Variants in PCDHGA1 observed in about 807,000 individuals in gnomAD.
The protein encoded by PCDHGA1 is protocadherin gamma-A1.
Under a neutral mutation model 58.0 loss-of-function variants are expected in PCDHGA1, and 32 were observed. That is an observed-to-expected ratio of 0.55 (90% confidence interval 0.42 to 0.74). The LOEUF (loss-of-function observed/expected upper bound fraction) is 0.74. PCDHGA1 is among the 30% of genes least tolerant of loss of function. The probability of loss-of-function intolerance (pLI) is 0.00; values close to 1 mark genes in which losing one functional copy is unlikely to be tolerated. For missense variants in PCDHGA1, 1,205 were observed against 1,182.3 expected, an observed-to-expected ratio of 1.02 and a Z score of -0.28; for synonymous variants, 498 against 501.1, an observed-to-expected ratio of 0.99 and a Z score of 0.08.
intron 1 of PCDHGA1, chr5:141,383,506 G>A: frequency 6.2e-7 from 1 of 1,612,872 alleles, no homozygotes; most frequent in Non-Finnish European, 8.5e-7. Flanking sequence ...GCTGGACCGG[G>A]AGGAAGAGCG....
chr5:141,495,032 G>T, intron 2 of PCDHGA1, 167 bp downstream of exon 2: 1 of 967,732 alleles, frequency 1.0e-6, no homozygotes, highest in Non-Finnish European at 1.2e-6. Flanking sequence ...GACCCCGGAA[G>T]GAAGAGGCGA....
rs56172360 is a variant in PCDHGA1, at chr5:141,369,006, T to C, written c.2421+35901T>C. 9.9e-3 allele frequency among the ~76,000 whole-genome samples: 1,506 copies of C among 152,332 alleles called. 25 individuals are homozygous for C. Among genetic ancestry groups the C allele is most frequent in the African/African-American group, 0.034 (1,404 of 41,566 alleles). ...TAAGGTGAATTCGGTGTGGAACTCA[T>C]TGCTTATTGCTGCACACTTGCCTAG... On this transcript the variant is annotated intron_variant, in intron 1 of 3. Transcript: ENST00000517417.
Position 141,415,580 on chromosome 5 carries a change from A to C in PCDHGA1, c.2422-79227A>C, listed in dbSNP as rs773634634. The C allele has an allele frequency of 4.3e-6, 7 of 1,613,976 alleles. No individual in the cohort carries two copies. The Admixed American group carries it at 1.2e-4, about 27-fold the overall frequency. Reference sequence around the variant, plus strand: ...CCTTTGTCTTTGTTAGATGATTCGAAGTTTCCTATAGAGGATACCCCATTG... The same window carrying C: ...CCTTTGTCTTTGTTAGATGATTCGACGTTTCCTATAGAGGATACCCCATTG... On this transcript the variant is annotated intron_variant, in intron 1 of 3. Transcript: ENST00000517417.
At chr5:141,357,391 A>G (rs751497750) in intron 1 of PCDHGA1, 2 of 1,614,230 alleles carry the variant, frequency 1.2e-6, no homozygotes, top group South Asian at 1.1e-5. Flanking sequence ...TGAAGGCAGC[A>G]GGTTGGCAGG....
intron 1 of PCDHGA1, chr5:141,371,970 C>T: frequency 6.2e-7 from 1 of 1,613,250 alleles, no homozygotes; most frequent in East Asian, 2.2e-5. Context: ...CGAGCAGCTG[C>T]GTGCCTTCGA....
chr5:141,363,996 G>A (rs1467481221), intron 1 of PCDHGA1, among the ~76,000 whole-genome samples: 3 of 152,124 alleles, frequency 2.0e-5, no homozygotes, highest in Admixed American at 1.3e-4. Context: ...CTGAATTAAC[G>A]GTCATAAACA....
intron 1 of PCDHGA1, chr5:141,362,476 G>A (rs757587046): frequency 1.2e-6 from 2 of 1,614,028 alleles, no homozygotes; most frequent in East Asian, 2.2e-5. Context: ...GCAAGATCTC[G>A]TCTGTGACAA....
At chr5:141,409,813 C>T in intron 1 of PCDHGA1, 2 of 1,611,170 alleles carry the variant, frequency 1.2e-6, no homozygotes, top group African/African-American at 1.3e-5. Flanking sequence ...CCCGCGACCA[C>T]GGCTCGCCCA....
In PCDHGA1 at chr5:141,431,739, A is replaced by G; in HGVS notation, c.2422-63068A>G. 3.1e-6 allele frequency: 5 copies of G among 1,614,240 alleles called. No homozygotes were observed. Among genetic ancestry groups the G allele is most frequent in the Non-Finnish European group, 3.4e-6 (4 of 1,180,048 alleles). Reference sequence around the variant, plus strand: ...GTGCAAGCAATGGATAATGCAGGATATTCTGCGCGAGCCAAAGTCCTGATC... The same window carrying G: ...GTGCAAGCAATGGATAATGCAGGATGTTCTGCGCGAGCCAAAGTCCTGATC... On this transcript the variant is annotated intron_variant, in intron 1 of 3. Transcript: ENST00000517417. The surrounding 1 kb of genome is among the most constrained non-coding windows in gnomAD (Gnocchi z 4.8).
intron 1 of PCDHGA1, chr5:141,385,444 G>C: frequency 6.9e-7 from 1 of 1,448,588 alleles, no homozygotes; most frequent in East Asian, 2.5e-5. Context: ...GTAAAAATGA[G>C]TTTACCAGTT....
Position 141,485,294 on chromosome 5 carries a change from G to A in PCDHGA1, c.2422-9513G>A, listed in dbSNP as rs2099611126. Reference sequence around the variant, plus strand: ...CTACCCGGTCCCAGAGGAGTCACAGGAAGGGACTTTTGTAGGGAATGTCGC... The same window carrying A: ...CTACCCGGTCCCAGAGGAGTCACAGAAAGGGACTTTTGTAGGGAATGTCGC... On this transcript the variant is annotated intron_variant, in intron 1 of 3. Coordinates refer to ENST00000517417, the MANE Select transcript of PCDHGA1 (RefSeq NM_018912.3). The surrounding 1 kb of genome is among the most constrained non-coding windows in gnomAD (Gnocchi z 5.7). The A allele has an allele frequency of 6.2e-7, 1 of 1,614,044 alleles. No homozygotes were observed. Among genetic ancestry groups the A allele is most frequent in the Non-Finnish European group, 8.5e-7 (1 of 1,179,988 alleles).
chr5:141,509,199 GTC>G (rs1017134758), intron 3 of PCDHGA1, among the ~76,000 whole-genome samples: 1 of 152,070 alleles, frequency 6.6e-6, no homozygotes, highest in Non-Finnish European at 1.5e-5. Context: ...AATATTTCCT[GTC>G]TCTCTATTTC....
rs772841329 is a variant in PCDHGA1 at position 141,360,603 on chromosome 5, A to C, written c.2421+27498A>C. ...CAGGTACAACATTTCCACTTGACCC[A>C]GCCCTGGATTCAGATGTTGGTCCTA... On this transcript the variant is annotated intron_variant, in intron 1 of 3. Coordinates refer to ENST00000517417, the MANE Select transcript of PCDHGA1 (RefSeq NM_018912.3). The C allele has an allele frequency of 5.6e-6, 9 of 1,614,056 alleles. No homozygotes were observed. The East Asian group carries it at 2.0e-4, about 36-fold the overall frequency.
intron 1 of PCDHGA1, chr5:141,393,975 G>C (rs2092889131): frequency 6.2e-7 from 1 of 1,613,680 alleles, no homozygotes; most frequent in Admixed American, 1.7e-5. Context: ...TTACACACGT[G>C]ATAATTTACC....
intron 1 of PCDHGA1, among the ~76,000 whole-genome samples, chr5:141,436,010 A>G (rs1188507054): frequency 6.6e-6 from 1 of 152,168 alleles, no homozygotes; most frequent in Non-Finnish European, 1.5e-5. Context: ...AAGTATTTGA[A>G]TTTATCTAAA....
chr5:141,468,443 G>A (rs760789357), intron 1 of PCDHGA1: 6 of 152,124 alleles, frequency 3.9e-5, no homozygotes, highest in Non-Finnish European at 8.8e-5. Context: ...AAATGTGGGT[G>A]CAAAATTAAA....
At chr5:141,428,169 G>T (rs758370904) in intron 1 of PCDHGA1, 5 of 1,539,960 alleles carry the variant, frequency 3.2e-6, no homozygotes, top group South Asian at 2.2e-5. Context: ...GTTGCTGTGC[G>T]TGACGGAGGA....
At position 141,491,578 on chromosome 5, in the gene PCDHGA1, C is replaced by T. The variant is rs1438933474; in HGVS notation, c.2422-3229C>T. 7.4e-6 allele frequency: 12 copies of T among 1,613,888 alleles called. No homozygotes were observed. The highest frequency in any genetic ancestry group is 1.0e-5 in the Non-Finnish European group (12 of 1,180,044). On this transcript the variant is annotated intron_variant, in intron 1 of 3. Coordinates refer to ENST00000517417, the MANE Select transcript of PCDHGA1 (RefSeq NM_018912.3). This position sits in a 1 kb window ranked among gnomAD's most constrained non-coding sequence, Gnocchi z 6.9. ...CCACTGCTACAGGACGTGCTTTTCA[C>T]CGGCCTCGGACGGCAGTGACTTCAC...
chr5:141,392,463 AT>A (rs770659302), intron 1 of PCDHGA1: 30 of 173,504 alleles, frequency 1.7e-4, no homozygotes, highest in Non-Finnish European at 2.8e-4. Context: ...TTACGGATAA[AT>A]CAAATAAATT....
Sources: allele counts gnomAD v4.1 joint callset (sites outside exome capture counted in the v4.1 genomes callset), GRCh38; gene constraint gnomAD v4.1.1; non-coding constraint Gnocchi (gnomAD v3.1); transcripts MANE v1.5; gene names NCBI Gene and HGNC (gene_info 2026-07-23, HGNC 2026-07-21).